Variants in FRMD5 observed in about 807,000 individuals in gnomAD.
The protein encoded by FRMD5 is FERM domain-containing protein 5.
In FRMD5, 20 loss-of-function variants were observed where a neutral mutation model predicts 69.0. That is an observed-to-expected ratio of 0.29 (90% CI 0.20 to 0.42). The LOEUF (loss-of-function observed/expected upper bound fraction) is 0.42, where lower values mean the gene tolerates loss of function less well. FRMD5 is among the 10% of genes least tolerant of loss of function. The pLI, the probability that FRMD5 is intolerant of heterozygous loss-of-function variation, is 1.00. For missense variants in FRMD5, 595 were observed against 708.6 expected (o/e 0.84, Z 1.82); for synonymous variants, 271 against 260.1 (o/e 1.04, Z -0.40).
In FRMD5 at chr15:43,919,785, C is replaced by G; in HGVS notation, c.232G>C (p.Val78Leu). The G allele has an allele frequency of 6.2e-7, 1 of 1,614,104 alleles. No homozygotes were observed. Among genetic ancestry groups the G allele is most frequent in the Non-Finnish European group, 8.5e-7 (1 of 1,179,926 alleles). The change falls in exon 3 of 14, where the codon GTG becomes CTG. Residue 78 changes from valine (V) to leucine (L), a missense_variant. Val to Leu is a conservative substitution (Grantham distance 32). Transcript: ENST00000417257. ...TACTTACATCTCAATTGTTTCACCACAGACTTTGTAAATTCCAGCCAATGC... is the reference window on the plus strand; with the variant it reads ...TACTTACATCTCAATTGTTTCACCAGAGACTTTGTAAATTCCAGCCAATGC... Reference protein sequence around the residue: ...QRHWLEFTKSVVKQLRSQPPF... With the variant: ...QRHWLEFTKSLVKQLRSQPPF...
rs750956577 is a variant in FRMD5, at chr15:43,885,733, G to A, written c.907C>T (p.Arg303Cys). ...FYKLEKSSQV[R>C]TVSSSNLFFK... The stretch of plus-strand genomic sequence containing the variant: ...AATAAATTGCTGCTGGACACTGTGC[G>A]GACTTGGCTTGACTTCTCCAGCCTG... The change falls in exon 11 of 14, where the codon CGC becomes TGC. Residue 303 changes from arginine to cysteine, a missense_variant. By Grantham distance (180) the Arg-to-Cys change is radical. Around this residue, in one of 5 missense-constraint regions of FRMD5, gnomAD observed 176 missense variants for 266.3 expected, o/e 0.66. Transcript: ENST00000417257. 29 of 1,614,018 alleles carry A rather than the reference G, an allele frequency of 1.8e-5. No individual in the cohort carries two copies. Among genetic ancestry groups the A allele is most frequent in the Non-Finnish European group, 1.9e-5 (23 of 1,180,014 alleles).
At chr15:44,160,681 G>C (rs1441542704) in intron 1 of FRMD5, among the ~76,000 whole-genome samples, 1 of 152,036 alleles carries the variant, frequency 6.6e-6, no homozygotes, top group African/African-American at 2.4e-5. Context: ...ACCTATTGTT[G>C]GATGCTTAAG....
chr15:44,062,519 C>T lies in FRMD5; in HGVS notation c.102+132434G>A, dbSNP rs192503059. Among the ~76,000 whole-genome samples the T allele has an allele frequency of 4.6e-5, 7 of 151,926 alleles. No individual in the cohort carries two copies. In the East Asian group the frequency reaches 7.8e-4, roughly 17 times the overall value. ...CAGCCTGGCCAACATGGTGAAACCC[C>T]GTCTCTACTAAAAATACAAAAATTA... On this transcript the variant is annotated intron_variant, in intron 1 of 13. Coordinates refer to ENST00000417257, the MANE Select transcript of FRMD5 (RefSeq NM_032892.5).
intron 1 of FRMD5, among the ~76,000 whole-genome samples, chr15:44,072,268 T>C (rs1595693438): frequency 6.6e-6 from 1 of 152,234 alleles, no homozygotes; most frequent in East Asian, 1.9e-4. Flanking sequence ...TTAAAGATTC[T>C]AAAACTTAAC....
intron 1 of FRMD5, among the ~76,000 whole-genome samples, chr15:44,097,880 T>C (rs1238534841): frequency 2.6e-5 from 4 of 152,174 alleles, no homozygotes; most frequent in African/African-American, 9.6e-5. Flanking sequence ...TTCAAAAATT[T>C]GCATGCAATC....
At chr15:43,917,630 C>T (rs2089416193) in intron 4 of FRMD5, 1 of 152,218 alleles carries the variant, frequency 6.6e-6, no homozygotes, top group Admixed American at 6.5e-5. Flanking sequence ...GGTGATCCGC[C>T]CGCCTCAGCC....
At chr15:44,185,535 T>C (rs1029325952) in intron 1 of FRMD5, among the ~76,000 whole-genome samples, 1 of 152,162 alleles carries the variant, frequency 6.6e-6, no homozygotes, top group Non-Finnish European at 1.5e-5. Flanking sequence ...CTCACACTTG[T>C]AATCCTAGCA....
At chr15:43,940,220 C>T (rs1267108185) in intron 1 of FRMD5, among the ~76,000 whole-genome samples, 1 of 152,106 alleles carries the variant, frequency 6.6e-6, no homozygotes, top group Admixed American at 6.6e-5. Flanking sequence ...TTAAAAAGTG[C>T]GTGGCATCAG....
intron 1 of FRMD5, among the ~76,000 whole-genome samples, chr15:44,182,087 T>G (rs1456341908): frequency 6.6e-6 from 1 of 151,622 alleles, no homozygotes; most frequent in Non-Finnish European, 1.5e-5. Context: ...CTCGGCTCAC[T>G]GCAACCTCCA....
intron 1 of FRMD5, among the ~76,000 whole-genome samples, chr15:44,100,312 C>T (rs1270343053): frequency 6.6e-6 from 1 of 151,834 alleles, no homozygotes; most frequent in East Asian, 1.9e-4. Flanking sequence ...CCGCCTTGGC[C>T]TCCCGAAGTG....
chr15:43,901,443 T>G (rs189479238), intron 7 of FRMD5, among the ~76,000 whole-genome samples: 13 of 152,242 alleles, frequency 8.5e-5, no homozygotes, highest in Middle Eastern at 3.4e-3. Context: ...AGCTTGCCAG[T>G]TGGTTTTACT....
At chr15:44,124,385 G>A (rs1368400031) in intron 1 of FRMD5, among the ~76,000 whole-genome samples, 2 of 151,986 alleles carry the variant, frequency 1.3e-5, no homozygotes, top group Middle Eastern at 3.4e-3. Flanking sequence ...AAAAGAGGTA[G>A]GAAGGAAGAA....
At chr15:43,913,945 G>C (rs866857390) in intron 4 of FRMD5, among the ~76,000 whole-genome samples, 2 of 152,210 alleles carry the variant, frequency 1.3e-5, no homozygotes, top group Non-Finnish European at 2.9e-5. Context: ...GAACACGCTT[G>C]CTTCTGAGGA....
intron 1 of FRMD5, among the ~76,000 whole-genome samples, chr15:44,055,200 T>C (rs1363909195): frequency 6.6e-6 from 1 of 152,010 alleles, no homozygotes; most frequent in Non-Finnish European, 1.5e-5. Context: ...GACCAGGAGC[T>C]AGGGTGGGTA....
At chr15:44,166,791 A>AG (rs1173757289) in intron 1 of FRMD5, among the ~76,000 whole-genome samples, 2 of 147,864 alleles carry the variant, frequency 1.4e-5, no homozygotes, top group African/African-American at 4.9e-5. Context: ...CTCAAAAAAA[A>AG]AAAAAAAAAA....
At chr15:44,011,295 C>G (rs549312583) in intron 1 of FRMD5, among the ~76,000 whole-genome samples, 4 of 151,044 alleles carry the variant, frequency 2.6e-5, no homozygotes, top group Non-Finnish European at 5.9e-5. Context: ...GAAATTAATA[C>G]GGTAGTAGTG....
intron 1 of FRMD5, among the ~76,000 whole-genome samples, chr15:44,058,342 G>C (rs1892952463): frequency 6.6e-6 from 1 of 152,148 alleles, no homozygotes; most frequent in Non-Finnish European, 1.5e-5. Context: ...CCTCAGACCG[G>C]AAGCTGGGGA....
intron 1 of FRMD5, among the ~76,000 whole-genome samples, chr15:44,011,167 T>C (rs901425509): frequency 3.1e-4 from 11 of 35,404 alleles, no homozygotes; most frequent in South Asian, 1.0e-3. Context: ...CTTTTCTTTT[T>C]CTTTTAATTT....
At chr15:43,989,731 G>T in intron 1 of FRMD5, 1 of 1,008,330 alleles carries the variant, frequency 9.9e-7, no homozygotes, top group Non-Finnish European at 1.6e-6. Flanking sequence ...AGTCCATCAC[G>T]ATGTCAGTGG....
Sources: allele counts gnomAD v4.1 joint callset (sites outside exome capture counted in the v4.1 genomes callset), GRCh38; gene constraint gnomAD v4.1.1; regional missense constraint gnomAD v4.1.1; transcripts MANE v1.5; gene names NCBI Gene and HGNC (gene_info 2026-07-23, HGNC 2026-07-21).